STXBP5: variants seen among roughly 807,000 people sequenced by gnomAD.
The protein encoded by STXBP5 is syntaxin-binding protein 5.
STXBP5 carries 50 observed loss-of-function variants against 152.4 expected under a neutral mutation model. The observed-to-expected ratio is 0.33, with a 90% CI of 0.26 to 0.42. The LOEUF is 0.42. Among genes scored for constraint, STXBP5 ranks in the 10% least tolerant of loss-of-function variants. The pLI, the probability that STXBP5 is intolerant of heterozygous loss-of-function variation, is 1.00. For synonymous variants in STXBP5, 492 were observed against 494.7 expected (o/e 0.99, Z 0.07); for missense variants, 1,167 against 1,388.6 (o/e 0.84, Z 2.54).
At position 147,311,525 on chromosome 6, in the gene STXBP5, T is replaced by C. The variant is rs962005001; in HGVS notation, c.1143T>C (p.Asn381=). ...TAGTACTTATAGACCTTGCACAAAA[T>C]GGGTAAGAAATAAAATTTGGTGAGT... ...KDLVLIDLAQ[N]GYPIFENPYP... Residue 381 remains asparagine (N), a splice_region_variant and synonymous_variant, in exon 11 of 28, where the codon AAT becomes AAC. Coordinates refer to ENST00000321680, the MANE Select transcript of STXBP5 (RefSeq NM_001127715.4). 3.7e-6 allele frequency: 6 copies of C among 1,609,076 alleles called. No homozygotes were observed. In the African/African-American group the frequency reaches 5.4e-5, roughly 14 times the overall value.
chr6:147,301,055 C>T (rs1008023062), intron 9 of STXBP5, among the ~76,000 whole-genome samples: 7 of 151,802 alleles, frequency 4.6e-5, no homozygotes, highest in East Asian at 1.9e-4. Flanking sequence ...AAGAAATGTT[C>T]GACATCACTA....
chr6:147,214,454 T>TGAGTG (rs1777057787), intron 2 of STXBP5, among the ~76,000 whole-genome samples: 5 of 152,168 alleles, frequency 3.3e-5, no homozygotes, highest in Admixed American at 6.5e-5. Flanking sequence ...GTTGACATAG[T>TGAGTG]TTACTGCTTA....
intron 22 of STXBP5, among the ~76,000 whole-genome samples, chr6:147,356,286 T>A (rs374429422): frequency 1.3e-5 from 2 of 152,072 alleles, no homozygotes; most frequent in East Asian, 3.9e-4. Context: ...ATGAAATCTA[T>A]ATTATCTACT....
intron 7 of STXBP5, among the ~76,000 whole-genome samples, chr6:147,270,092 G>T (rs1285562133): frequency 6.6e-6 from 1 of 151,866 alleles, no homozygotes; most frequent in South Asian, 2.1e-4. Context: ...AAGTACAGGG[G>T]AGCAAAAATA....
At chr6:147,376,196 G>C (rs991997598) in intron 26 of STXBP5, among the ~76,000 whole-genome samples, 5 of 152,158 alleles carry the variant, frequency 3.3e-5, no homozygotes, top group African/African-American at 1.2e-4. Context: ...ACATTAAAGA[G>C]TTTAAAAACA....
At chr6:147,209,945 G>C (rs2786189) in intron 2 of STXBP5, among the ~76,000 whole-genome samples, 1 of 151,964 alleles carries the variant, frequency 6.6e-6, no homozygotes, top group Non-Finnish European at 1.5e-5. Context: ...TTGAGGGTCT[G>C]CAATTTTAAC....
intron 9 of STXBP5, among the ~76,000 whole-genome samples, chr6:147,305,486 G>A (rs1335043232): frequency 3.3e-5 from 5 of 151,800 alleles, no homozygotes; most frequent in African/African-American, 7.3e-5. Context: ...AATATTTTTC[G>A]AGTGTCCACA....
chr6:147,343,748 A>G (rs748497395), intron 21 of STXBP5, among the ~76,000 whole-genome samples: 30 of 152,212 alleles, frequency 2.0e-4, no homozygotes, highest in Admixed American at 3.9e-4. Context: ...GAAAAAGTGT[A>G]TATTAAGTCG....
At chr6:147,299,938 C>G (rs934055501) in intron 9 of STXBP5, among the ~76,000 whole-genome samples, 1 of 152,104 alleles carries the variant, frequency 6.6e-6, no homozygotes, top group Non-Finnish European at 1.5e-5. Context: ...AACTGAAAAA[C>G]TGTTAAGACT....
At chr6:147,298,190 G>A (rs918144842) in intron 9 of STXBP5, among the ~76,000 whole-genome samples, 2 of 151,886 alleles carry the variant, frequency 1.3e-5, no homozygotes, top group African/African-American at 4.8e-5. Context: ...AAAATGAGCA[G>A]GTTTATAAAA....
chr6:147,380,206 AC>A (rs1446700209), intron 26 of STXBP5, among the ~76,000 whole-genome samples: 2 of 151,294 alleles, frequency 1.3e-5, no homozygotes, highest in Non-Finnish European at 3.0e-5. Context: ...ACACACACAC[AC>A]ACAAATATTG....
At chr6:147,256,038 G>A (rs1779345112) in intron 4 of STXBP5, among the ~76,000 whole-genome samples, 1 of 152,142 alleles carries the variant, frequency 6.6e-6, no homozygotes, top group South Asian at 2.1e-4. Context: ...CAAGAACCTA[G>A]CTGTTTAAAA....
chr6:147,244,720 G>A (rs1232364284), intron 4 of STXBP5, among the ~76,000 whole-genome samples: 2 of 152,104 alleles, frequency 1.3e-5, no homozygotes, highest in Non-Finnish European at 1.5e-5. Context: ...AGCATTTGTA[G>A]TGGACTTTCT....
chr6:147,284,546 A>C (rs1780864158), intron 8 of STXBP5, among the ~76,000 whole-genome samples: 3 of 152,330 alleles, frequency 2.0e-5, no homozygotes, highest in Admixed American at 2.0e-4. Flanking sequence ...ATATGGAAAC[A>C]AATAAGTGGT....
chr6:147,367,492 G>T (rs910762310), intron 25 of STXBP5, among the ~76,000 whole-genome samples: 1 of 152,066 alleles, frequency 6.6e-6, no homozygotes, highest in African/African-American at 2.4e-5. Context: ...CAAAAATTTA[G>T]CCGGGCGTGG....
At chr6:147,316,206 A>G (rs1782636513) in intron 15 of STXBP5, 23 bp from the exon 16 acceptor site, 2 of 1,606,692 alleles carry the variant, frequency 1.2e-6, no homozygotes, top group East Asian at 4.5e-5. Context: ...AGGAGTAAGT[A>G]AACTACCTTA....
At chr6:147,232,177 G>A (rs1485361116) in intron 2 of STXBP5, among the ~76,000 whole-genome samples, 1 of 151,782 alleles carries the variant, frequency 6.6e-6, no homozygotes, top group Admixed American at 6.6e-5. Context: ...GGCAGAGCTG[G>A]CATATGAACT....
intron 2 of STXBP5, among the ~76,000 whole-genome samples, chr6:147,211,233 C>T (rs1187001437): frequency 2.0e-5 from 3 of 150,330 alleles, no homozygotes; most frequent in Admixed American, 6.7e-5. Flanking sequence ...CGCTTGAACC[C>T]GGGAGGCAGA....
chr6:147,320,552 AGTGTGTGT>A lies in STXBP5; in HGVS notation c.1802+4180_1802+4187del, dbSNP rs71552971. Among the ~76,000 whole-genome samples the A allele has an allele frequency of 6.0e-4, 51 of 85,030 alleles. 1 individual carries two copies. In the East Asian group the frequency reaches 9.3e-3, roughly 15 times the overall value. The allele number at this position is 85,030 out of a possible 152,430, so 55.8% of individuals were successfully genotyped here. A position where few individuals can be genotyped will look rare whatever the true frequency, so the allele number is the denominator to read the frequency against. On this transcript the variant is annotated intron_variant, in intron 16 of 27. Transcript: ENST00000321680. ...GTGGAGAAGCAGTCCTGCTAATTTG[AGTGTGTGT>A]GTGTGTGTGTGTGTGTGTGTGTGTG...
Sources: allele counts gnomAD v4.1 joint callset (sites outside exome capture counted in the v4.1 genomes callset), GRCh38; gene constraint gnomAD v4.1.1; transcripts MANE v1.5; gene names NCBI Gene and HGNC (gene_info 2026-07-23, HGNC 2026-07-21).